Variants in TTLL5 observed in about 807,000 individuals in gnomAD.
TTLL5 encodes the protein tubulin tyrosine ligase like 5, also known as tubulin polyglutamylase TTLL5.
A neutral mutation model predicts 168.4 loss-of-function variants in TTLL5; 132 were observed. The ratio of observed to expected loss-of-function variants is 0.78; its 90% CI spans 0.68 to 0.91. TTLL5 has a LOEUF of 0.91. TTLL5 is among the 40% of genes least tolerant of loss of function. The pLI is 0.00. For synonymous variants in TTLL5, 546 were observed against 558.6 expected (o/e 0.98, Z 0.32); for missense variants, 1,545 against 1,581.5 (o/e 0.98, Z 0.39).
chr14:75,673,957 G>T (rs1325216242), intron 3 of TTLL5, among the ~76,000 whole-genome samples: 1 of 152,136 alleles, frequency 6.6e-6, no homozygotes, highest in Non-Finnish European at 1.5e-5. Context: ...GTTAAAGGTG[G>T]ATAAAAACAA....
chr14:75,669,154 G>C (rs1182122252), intron 2 of TTLL5, among the ~76,000 whole-genome samples: 1 of 152,166 alleles, frequency 6.6e-6, no homozygotes, highest in East Asian at 1.9e-4. Context: ...TGGTTTATGT[G>C]CCTATCTCTG....
chr14:75,734,026 A>G lies in TTLL5; in HGVS notation c.1162A>G (p.Ile388Val). The G allele has an allele frequency of 1.2e-6, 2 of 1,614,082 alleles. No homozygotes were observed. Among genetic ancestry groups the G allele is most frequent in the Non-Finnish European group, 1.7e-6 (2 of 1,179,952 alleles). The part of the protein sequence containing the change: ...PLDLKIKASM[I>V]SDMFTVVGFV... The stretch of plus-strand genomic sequence containing the variant: ...GGACCTAAAGATTAAAGCCAGTATG[A>G]TTTCAGATATGTTCACTGTTGTAGG... Residue 388 changes from isoleucine to valine, a missense_variant, in exon 14 of 32, where the codon ATT (isoleucine) becomes GTT (valine). Physicochemically the swap from Ile to Val is conservative, Grantham distance 29 (BLOSUM62 3). Transcript: ENST00000298832.
chr14:75,742,263 C>T (rs866373134), intron 15 of TTLL5, among the ~76,000 whole-genome samples: 4 of 152,014 alleles, frequency 2.6e-5, no homozygotes, highest in Non-Finnish European at 5.9e-5. Flanking sequence ...TCTCTCTTTA[C>T]GTAATTTGAG....
chr14:75,854,658 C>T (rs1897042599), intron 28 of TTLL5, among the ~76,000 whole-genome samples: 2 of 152,218 alleles, frequency 1.3e-5, no homozygotes, highest in Admixed American at 1.3e-4. Flanking sequence ...AGTTGCTCTT[C>T]ATGCTCACTA....
chr14:75,896,776 C>T (rs1436796235), intron 30 of TTLL5, among the ~76,000 whole-genome samples: 2 of 152,082 alleles, frequency 1.3e-5, no homozygotes, highest in Non-Finnish European at 2.9e-5. Context: ...GAGGAAACCA[C>T]AAATAAAGAA....
At chr14:75,784,175 G>T (rs1455933913) in intron 26 of TTLL5, among the ~76,000 whole-genome samples, 1 of 152,126 alleles carries the variant, frequency 6.6e-6, no homozygotes, top group Non-Finnish European at 1.5e-5. Flanking sequence ...ATACCTGTTA[G>T]CAGCCACGGT....
At chr14:75,954,106 G>A (rs549787175) in intron 31 of TTLL5, among the ~76,000 whole-genome samples, 10 of 151,990 alleles carry the variant, frequency 6.6e-5, no homozygotes, top group Non-Finnish European at 1.3e-4. Flanking sequence ...AAAATTAGCC[G>A]GGTATGGTGG....
At chr14:75,676,177 T>C (rs892979721) in intron 3 of TTLL5, among the ~76,000 whole-genome samples, 1 of 152,186 alleles carries the variant, frequency 6.6e-6, no homozygotes, top group Non-Finnish European at 1.5e-5. Context: ...ATTCATTCCC[T>C]ATATTTAAAT....
Position 75,737,592 on chromosome 14 carries a change from G to A in TTLL5, c.1281+2303G>A, listed in dbSNP as rs368307827. On this transcript the variant is annotated intron_variant, in intron 15 of 31. Coordinates refer to ENST00000298832, the MANE Select transcript of TTLL5 (RefSeq NM_015072.5). The stretch of plus-strand genomic sequence containing the variant: ...GTCCAGTATCTGCACAGTTTCAGTC[G>A]TCAAAGGCCAAGCAGGTAAGTTCTA... The A allele has an allele frequency of 8.5e-6, 13 of 1,535,590 alleles. No individual in the cohort carries two copies. The East Asian group carries it at 1.2e-4, about 14-fold the overall frequency.
chr14:75,717,812 T>G, intron 9 of TTLL5, 49 bp from the exon 10 acceptor site: 1 of 1,560,482 alleles, frequency 6.4e-7, no homozygotes, highest in Non-Finnish European at 8.8e-7. Flanking sequence ...CCAGCCTGTA[T>G]TTCCTTGAAA....
chr14:75,897,996 G>A (rs750560965), intron 30 of TTLL5, among the ~76,000 whole-genome samples: 56 of 152,128 alleles, frequency 3.7e-4, no homozygotes, highest in Non-Finnish European at 6.0e-4. Context: ...TTTGTGTAGT[G>A]TAAAGTTAAT....
At chr14:75,889,174 A>T (rs2140046261) in intron 30 of TTLL5, among the ~76,000 whole-genome samples, 1 of 152,312 alleles carries the variant, frequency 6.6e-6, no homozygotes, top group East Asian at 1.9e-4. Flanking sequence ...ATTGGGCTGA[A>T]CACAGTGAAT....
At chr14:75,854,207 C>A (rs1473096041) in intron 28 of TTLL5, among the ~76,000 whole-genome samples, 1 of 152,198 alleles carries the variant, frequency 6.6e-6, no homozygotes, top group South Asian at 2.1e-4. Context: ...CTGCCCCTCC[C>A]CACTAGTAAT....
rs2035062730 is a variant in TTLL5, at chr14:75,954,987, G to C, written c.*541G>C. ...CATCACAAGTTTCCTAGAGAGAGGA[G>C]ACAAATCGGTGTGCCATTGACAACA... On this transcript the variant is annotated 3_prime_UTR_variant, in exon 32 of 32. Coordinates refer to ENST00000298832, the MANE Select transcript of TTLL5 (RefSeq NM_015072.5). 2 of 152,472 alleles carry C rather than the reference G, an allele frequency of 1.3e-5. No homozygotes were observed. The highest frequency in any genetic ancestry group is 1.3e-4 in the Admixed American group (2 of 15,318). The allele number at this position is 152,472 out of a possible 1,614,324, so 9.4% of individuals were successfully genotyped here.
chr14:75,907,899 G>T (rs1288846679), intron 31 of TTLL5, among the ~76,000 whole-genome samples: 1 of 152,188 alleles, frequency 6.6e-6, no homozygotes, highest in Non-Finnish European at 1.5e-5. Context: ...AAACTAAACT[G>T]ATGGCCTGCC....
intron 1 of TTLL5, 93 bp from the exon 2 acceptor site, chr14:75,662,962 A>G (rs1890854695): frequency 1.5e-6 from 1 of 686,696 alleles, no homozygotes. Flanking sequence ...GAATATAGTC[A>G]TTTTCATTAC....
intron 20 of TTLL5, among the ~76,000 whole-genome samples, chr14:75,766,985 G>A (rs1444447610): frequency 1.3e-5 from 2 of 152,044 alleles, no homozygotes; most frequent in African/African-American, 4.8e-5. Flanking sequence ...CCAACATGGA[G>A]AAACCCTGTC....
rs182185642 is a variant in TTLL5 at position 75,688,713 on chromosome 14, A to G, written c.372-1479A>G. Among the ~76,000 whole-genome samples the G allele has an allele frequency of 7.2e-5, 11 of 152,240 alleles. No homozygotes were observed. In the East Asian group the frequency reaches 2.1e-3, roughly 29 times the overall value. The stretch of plus-strand genomic sequence containing the variant: ...TCAAATTTGAGTTGAATTAGAGGAC[A>G]CCCACTGCAAGATTGCTTGCTTTGT... On this transcript the variant is annotated intron_variant, in intron 5 of 31. Transcript: ENST00000298832.
At chr14:75,848,432 C>A (rs545703718) in intron 28 of TTLL5, among the ~76,000 whole-genome samples, 1 of 152,042 alleles carries the variant, frequency 6.6e-6, no homozygotes, top group Admixed American at 6.5e-5. Flanking sequence ...TGATGGCGGT[C>A]CAGTTTTACA....
Sources: allele counts gnomAD v4.1 joint callset (sites outside exome capture counted in the v4.1 genomes callset), GRCh38; gene constraint gnomAD v4.1.1; transcripts MANE v1.5; gene names NCBI Gene and HGNC (gene_info 2026-07-23, HGNC 2026-07-21).